EIF2A: variants seen among roughly 807,000 people sequenced by gnomAD.
EIF2A encodes the protein eukaryotic translation initiation factor 2A.
A neutral mutation model predicts 75.2 loss-of-function variants in EIF2A; 62 were observed. The ratio of observed to expected loss-of-function variants is 0.82; its 90% confidence interval spans 0.67 to 1.02. EIF2A has a LOEUF of 1.02. Ranked by LOEUF, EIF2A falls within the 50% of genes least tolerant of loss-of-function variation. EIF2A has a pLI of 0.00. For missense variants in EIF2A, 611 were observed against 677.7 expected, an observed-to-expected ratio of 0.90 and a Z score of 1.09; for synonymous variants, 207 against 239.0, an observed-to-expected ratio of 0.87 and a Z score of 1.23.
At chr3:150,583,355 C>T (rs1327897129) in intron 13 of EIF2A, 90 bp downstream of exon 13, 3 of 1,264,526 alleles carry the variant, frequency 2.4e-6, no homozygotes, top group Non-Finnish European at 3.3e-6. Context: ...TAAAAGAGCA[C>T]ATGGAGTTTA....
intron 3 of EIF2A, 68 bp from the exon 4 acceptor site, chr3:150,562,474 A>G (rs1432785192): frequency 8.5e-7 from 1 of 1,183,146 alleles, no homozygotes; most frequent in South Asian, 1.3e-5. Flanking sequence ...AGAGGTATGA[A>G]TGTTTTGGTT....
chr3:150,583,133 T>C (rs1291377110), intron 12 of EIF2A, 67 bp from the exon 13 acceptor site: 2 of 1,389,672 alleles, frequency 1.4e-6, no homozygotes, highest in Non-Finnish European at 2.0e-6. Context: ...TTCACATTCT[T>C]AATAAGGAAA....
chr3:150,570,451 A>C (rs1724441704), intron 9 of EIF2A, among the ~76,000 whole-genome samples: 1 of 151,952 alleles, frequency 6.6e-6, no homozygotes, highest in Non-Finnish European at 1.5e-5. Flanking sequence ...ATATAATCCC[A>C]ACTATCTAGG....
chr3:150,557,552 A>G lies in EIF2A; in HGVS notation c.99-836A>G, dbSNP rs368247433. On this transcript the variant is annotated intron_variant, in intron 2 of 13. Transcript: ENST00000460851. ...AGTAGCTGGGACTACAGGCGCCACC[A>G]CCACACCTGGCTAATTTTTGAATTT... The G allele has an allele frequency of 4.8e-5, 12 of 249,654 alleles. No individual in the cohort carries two copies. In the East Asian group the frequency reaches 1.5e-3, roughly 31 times the overall value. 15.5% of individuals were successfully genotyped at this position (249,654 alleles called of 1,614,324 possible).
At chr3:150,564,454 T>G (rs1397801095) in intron 6 of EIF2A, 73 bp downstream of exon 6, 2 of 1,206,830 alleles carry the variant, frequency 1.7e-6, no homozygotes, top group African/African-American at 3.1e-5. Flanking sequence ...TTTTATGACA[T>G]CATAGGGTTT....
At chr3:150,581,215 G>T (rs929354152) in intron 11 of EIF2A, among the ~76,000 whole-genome samples, 1 of 152,160 alleles carries the variant, frequency 6.6e-6, no homozygotes, top group Non-Finnish European at 1.5e-5. Context: ...ATATCTGTAG[G>T]ATTCTTATTC....
At chr3:150,578,978 G>A (rs542681952) in intron 11 of EIF2A, among the ~76,000 whole-genome samples, 61 of 152,188 alleles carry the variant, frequency 4.0e-4, no homozygotes, top group Non-Finnish European at 7.8e-4. Context: ...CCATATATAC[G>A]TCCTTTCTAG....
In EIF2A at chr3:150,560,998, T is replaced by C. The variant is rs1001793442; in HGVS notation, c.174-1544T>C. Among the ~76,000 whole-genome samples, 4 of 152,280 alleles carry C rather than the reference T, an allele frequency of 2.6e-5. 1 individual carries two copies. ...TGGAACTGCTTTTATCATACAATTA[T>C]TGTCATTTTTGTCATTGTACCATAA... On this transcript the variant is annotated intron_variant, in intron 3 of 13. Transcript: ENST00000460851.
At chr3:150,552,042 G>C (rs780495507) in intron 1 of EIF2A, among the ~76,000 whole-genome samples, 3 of 152,086 alleles carry the variant, frequency 2.0e-5, no homozygotes, top group African/African-American at 4.8e-5. Context: ...CGTATCCAAG[G>C]TTCCACAGGC....
At chr3:150,565,157 T>C (rs1175420320) in intron 6 of EIF2A, 1 of 455,668 alleles carries the variant, frequency 2.2e-6, no homozygotes, top group Non-Finnish European at 4.4e-6. Flanking sequence ...ATGGTATAAT[T>C]TAACATGTTC....
At chr3:150,573,783 TACAC>T (rs1259099657) in intron 10 of EIF2A, among the ~76,000 whole-genome samples, 1 of 152,126 alleles carries the variant, frequency 6.6e-6, no homozygotes, top group East Asian at 1.9e-4. Context: ...GGAGGAGAGT[TACAC>T]AGCAGTAGGG....
At position 150,584,193 on chromosome 3, in the gene EIF2A, G is replaced by C. The variant is rs1725348837; in HGVS notation, c.*282G>C. 1 of 295,734 alleles carries C rather than the reference G, an allele frequency of 3.4e-6. No homozygotes were observed. The highest frequency in any genetic ancestry group is 2.2e-5 in the African/African-American group (1 of 45,742). 18.3% of individuals were successfully genotyped at this position (295,734 alleles called of 1,614,324 possible). A position where few individuals can be genotyped will look rare whatever the true frequency, so the allele number is the denominator to read the frequency against. Reference sequence around the variant, plus strand: ...TGAAAGACAAGTGTCATTTTTTTTTGTAGAGGGTGATATATACCATGTAAA... The same window carrying C: ...TGAAAGACAAGTGTCATTTTTTTTTCTAGAGGGTGATATATACCATGTAAA... On this transcript the variant is annotated 3_prime_UTR_variant, in exon 14 of 14. Transcript: ENST00000460851.
At position 150,575,843 on chromosome 3, in the gene EIF2A, C is replaced by T. The variant is rs1161819702; in HGVS notation, c.1497+81C>T. ...GTGGCTCACGCCCGTAATCCCAGCA[C>T]TTTGGGAGGCTGAGGCGAGTGGATC... On this transcript the variant is annotated intron_variant, in intron 11 of 13. Transcript: ENST00000460851. 2.5e-6 allele frequency: 3 copies of T among 1,192,430 alleles called. No individual in the cohort carries two copies. The East Asian group carries it at 8.3e-5, about 33-fold the overall frequency. 73.9% of individuals were successfully genotyped at this position (1,192,430 alleles called of 1,614,324 possible).
chr3:150,573,957 C>G (rs1170024686), intron 10 of EIF2A, among the ~76,000 whole-genome samples: 5 of 152,112 alleles, frequency 3.3e-5, no homozygotes, highest in African/African-American at 4.8e-5. Flanking sequence ...GATCTGTAAT[C>G]TCAGCACTTT....
intron 9 of EIF2A, among the ~76,000 whole-genome samples, chr3:150,569,689 C>T (rs1239288808): frequency 2.0e-5 from 3 of 151,994 alleles, no homozygotes; most frequent in Non-Finnish European, 2.9e-5. Flanking sequence ...GTGGTACATG[C>T]CTGTAATCCT....
At position 150,584,679 on chromosome 3, in the gene EIF2A, T is replaced by C. The variant is rs541668686; in HGVS notation, c.*768T>C. On this transcript the variant is annotated 3_prime_UTR_variant, in exon 14 of 14. Transcript: ENST00000460851. Reference sequence around the variant, plus strand: ...TGTTTGTTACTGTTATATACATGTATTTTTATCAGAGATGGGTTATGTACT... The same window carrying C: ...TGTTTGTTACTGTTATATACATGTACTTTTATCAGAGATGGGTTATGTACT... 1.8e-4 allele frequency among the ~76,000 whole-genome samples: 28 copies of C among 152,342 alleles called. No individual in the cohort carries two copies. Among genetic ancestry groups the C allele is most frequent in the African/African-American group, 6.7e-4 (28 of 41,574 alleles).
At chr3:150,547,111 A>T (rs1459103089) in intron 1 of EIF2A, 4 of 510,866 alleles carry the variant, frequency 7.8e-6, no homozygotes, top group Non-Finnish European at 3.6e-6. Context: ...ACAATGTGCT[A>T]GTTGAATTTG....
rs1420318925 is a variant in EIF2A at position 150,575,636 on chromosome 3, A to C, written c.1384-13A>C. The C allele has an allele frequency of 6.3e-7, 1 of 1,588,956 alleles. No homozygotes were observed. Among genetic ancestry groups the C allele is most frequent in the Non-Finnish European group, 8.5e-7 (1 of 1,170,222 alleles). On this transcript the variant is annotated splice_polypyrimidine_tract_variant and intron_variant, in intron 10 of 13. Coordinates refer to ENST00000460851, the MANE Select transcript of EIF2A (RefSeq NM_032025.5). Reference sequence around the variant, plus strand: ...ATGGACTCCATTTCAAAATTATTTTACATTTTCCATAGCATGAAGAGGAAC... The same window carrying C: ...ATGGACTCCATTTCAAAATTATTTTCCATTTTCCATAGCATGAAGAGGAAC...
At chr3:150,574,578 A>C (rs1161373603) in intron 10 of EIF2A, among the ~76,000 whole-genome samples, 8 of 152,236 alleles carry the variant, frequency 5.3e-5, no homozygotes, top group Non-Finnish European at 1.2e-4. Flanking sequence ...TTGCACTCCA[A>C]ATTTGTCTGC....
Sources: allele counts gnomAD v4.1 joint callset (sites outside exome capture counted in the v4.1 genomes callset), GRCh38; gene constraint gnomAD v4.1.1; transcripts MANE v1.5; gene names NCBI Gene and HGNC (gene_info 2026-07-23, HGNC 2026-07-21).